Variants in NELL1 observed in about 807,000 individuals in gnomAD.
The protein encoded by NELL1 is neural EGFL like 1, also known as protein kinase C-binding protein NELL1.
NELL1 carries 76 observed loss-of-function variants against 107.4 expected under a neutral mutation model. The ratio of observed to expected loss-of-function variants is 0.71; its 90% CI spans 0.59 to 0.86. The LOEUF is 0.86. Among genes scored for constraint, NELL1 ranks in the 40% least tolerant of loss-of-function variants. The pLI is 0.00. For synonymous variants in NELL1, 353 were observed against 341.2 expected (o/e 1.03, Z -0.38); for missense variants, 1,024 against 1,005.5 (o/e 1.02, Z -0.25).
intron 12 of NELL1, among the ~76,000 whole-genome samples, chr11:21,109,281 G>A (rs550783900): frequency 3.9e-5 from 6 of 152,182 alleles, no homozygotes; most frequent in South Asian, 2.1e-4. Flanking sequence ...TATAAGGTAC[G>A]TACTATTAGA....
At chr11:21,413,451 G>C (rs1334411062) in intron 15 of NELL1, among the ~76,000 whole-genome samples, 2 of 151,970 alleles carry the variant, frequency 1.3e-5, no homozygotes, top group African/African-American at 4.8e-5. Context: ...TGAAAAAAAA[G>C]TGTGGCTGCT....
chr11:20,697,024 C>A (rs1463226429), intron 2 of NELL1, among the ~76,000 whole-genome samples: 1 of 152,124 alleles, frequency 6.6e-6, no homozygotes, highest in Non-Finnish European at 1.5e-5. Context: ...TCTGTTTACA[C>A]ATCCAGTTAG....
At chr11:21,490,630 G>T (rs1431207654) in intron 15 of NELL1, among the ~76,000 whole-genome samples, 1 of 151,824 alleles carries the variant, frequency 6.6e-6, no homozygotes, top group Non-Finnish European at 1.5e-5. Flanking sequence ...GAATAGAAAG[G>T]CCAGAAATAA....
chr11:21,383,231 C>A (rs1483700809), intron 15 of NELL1, among the ~76,000 whole-genome samples: 1 of 151,638 alleles, frequency 6.6e-6, no homozygotes, highest in Non-Finnish European at 1.5e-5. Context: ...AAGGTCTATG[C>A]ATTTATTATG....
chr11:21,409,802 T>A (rs1161687327), intron 15 of NELL1, among the ~76,000 whole-genome samples: 1 of 151,744 alleles, frequency 6.6e-6, no homozygotes, highest in Non-Finnish European at 1.5e-5. Context: ...ATCTGTCGCC[T>A]TCTTACAGAT....
intron 14 of NELL1, among the ~76,000 whole-genome samples, chr11:21,317,220 T>C (rs1849898072): frequency 6.6e-6 from 1 of 151,960 alleles, no homozygotes; most frequent in African/African-American, 2.4e-5. Flanking sequence ...AGTAGCTATA[T>C]ACTATTCCAT....
In NELL1 at chr11:21,192,964, A is replaced by G. The variant is rs150503854; in HGVS notation, c.1427-36368A>G. On this transcript the variant is annotated intron_variant, in intron 13 of 19. Transcript: ENST00000357134. ...GACTGGGGTTTTTGTAGAGCTTTTA[A>G]TGATTGTTTTAAAGCCATTTATCAC... 2.2e-3 allele frequency among the ~76,000 whole-genome samples: 341 copies of G among 151,962 alleles called. 9 individuals carry two copies. The highest frequency in any genetic ancestry group is 7.0e-3 in the African/African-American group (288 of 41,266).
intron 15 of NELL1, among the ~76,000 whole-genome samples, chr11:21,503,631 G>C (rs1855205467): frequency 6.6e-6 from 1 of 152,122 alleles, no homozygotes; most frequent in Admixed American, 6.6e-5. Context: ...GTGTCTTTCA[G>C]AGCAGCTCTA....
chr11:20,740,177 A>AT (rs1170409040), intron 2 of NELL1, among the ~76,000 whole-genome samples: 1 of 152,142 alleles, frequency 6.6e-6, no homozygotes, highest in African/African-American at 2.4e-5. Context: ...GATGTACACT[A>AT]TTACTGTCCT....
chr11:20,834,101 G>A (rs1306377921), intron 3 of NELL1, among the ~76,000 whole-genome samples: 5 of 152,142 alleles, frequency 3.3e-5, no homozygotes, highest in East Asian at 1.9e-4. Context: ...GGAATGGGCC[G>A]GCGTGGATTC....
intron 15 of NELL1, among the ~76,000 whole-genome samples, chr11:21,405,919 A>G (rs898763981): frequency 3.3e-5 from 5 of 152,008 alleles, no homozygotes; most frequent in Admixed American, 3.3e-4. Flanking sequence ...GCTAGGCCAG[A>G]ATGGACACTG....
At chr11:21,557,867 G>A (rs145841380) in intron 16 of NELL1, among the ~76,000 whole-genome samples, 10 of 152,042 alleles carry the variant, frequency 6.6e-5, no homozygotes, top group African/African-American at 2.2e-4. Context: ...TAAATACATC[G>A]AATATCCATA....
At chr11:21,491,203 T>C (rs959712005) in intron 15 of NELL1, among the ~76,000 whole-genome samples, 3 of 152,198 alleles carry the variant, frequency 2.0e-5, no homozygotes, top group East Asian at 1.9e-4. Context: ...TTAGTTTAGT[T>C]AGATCCCATT....
chr11:21,339,022 A>G (rs886505375), intron 14 of NELL1, among the ~76,000 whole-genome samples: 3 of 152,200 alleles, frequency 2.0e-5, no homozygotes, highest in Non-Finnish European at 4.4e-5. Context: ...CCTAAGATCA[A>G]ATAATTAATC....
At chr11:21,090,448 G>A (rs963643327) in intron 12 of NELL1, among the ~76,000 whole-genome samples, 2 of 152,098 alleles carry the variant, frequency 1.3e-5, no homozygotes, top group East Asian at 3.9e-4. Context: ...ATTAAAAAAA[G>A]CATTTATGTT....
chr11:21,485,659 C>T, intron 15 of NELL1, among the ~76,000 whole-genome samples: 1 of 151,752 alleles, frequency 6.6e-6, no homozygotes, highest in East Asian at 1.9e-4. Context: ...GTGGCCCCGC[C>T]CTCCCTGGAG....
At chr11:21,276,221 A>G (rs1297676174) in intron 14 of NELL1, among the ~76,000 whole-genome samples, 2 of 152,214 alleles carry the variant, frequency 1.3e-5, no homozygotes, top group African/African-American at 4.8e-5. Context: ...TACAAAATCA[A>G]TGTGCAAAAA....
At chr11:20,696,044 A>G (rs180694830) in intron 2 of NELL1, among the ~76,000 whole-genome samples, 8 of 152,128 alleles carry the variant, frequency 5.3e-5, no homozygotes, top group Non-Finnish European at 8.8e-5. Context: ...CCATTTCTGG[A>G]TAGATTTTCT....
intron 13 of NELL1, among the ~76,000 whole-genome samples, chr11:21,181,712 A>C (rs753842214): frequency 6.6e-6 from 1 of 151,910 alleles, no homozygotes; most frequent in Non-Finnish European, 1.5e-5. Context: ...TTTTCTCTCT[A>C]TTATCGCAGG....
Sources: allele counts gnomAD v4.1 joint callset (sites outside exome capture counted in the v4.1 genomes callset), GRCh38; gene constraint gnomAD v4.1.1; transcripts MANE v1.5; gene names NCBI Gene and HGNC (gene_info 2026-07-23, HGNC 2026-07-21).